The following DNAH11 variants were observed in gnomAD, a reference collection of about 807,000 sequenced individuals.
DNAH11 encodes the protein dynein axonemal heavy chain 11.
Under a neutral mutation model 526.0 loss-of-function variants are expected in DNAH11, and 442 were observed. The observed-to-expected ratio is 0.84, with a 90% CI of 0.78 to 0.91. The LOEUF is 0.91. Ranked by LOEUF, DNAH11 falls within the 40% of genes least tolerant of loss-of-function variation. The pLI is 0.00. For synonymous variants in DNAH11, 2,461 were observed against 1,935.9 expected, an observed-to-expected ratio of 1.27 and a Z score of -7.12; for missense variants, 6,989 against 5,448.7, an observed-to-expected ratio of 1.28 and a Z score of -8.90.
Position 21,698,069 on chromosome 7 carries a change from T to C in DNAH11, c.6042-6T>C. 1 of 1,605,972 alleles carries C rather than the reference T, an allele frequency of 6.2e-7. No homozygotes were observed. The highest frequency in any genetic ancestry group is 8.5e-7 in the Non-Finnish European group (1 of 1,177,130). On this transcript the variant is annotated splice_region_variant and splice_polypyrimidine_tract_variant and intron_variant, in intron 35 of 81. Coordinates refer to ENST00000409508, the MANE Select transcript of DNAH11 (RefSeq NM_001277115.2). ...TTTAAAACTAAAATTCTTATTTACTTTTTAGACCCTGTGCCATGGTGGCCC... is the reference window on the plus strand; with the variant it reads ...TTTAAAACTAAAATTCTTATTTACTCTTTAGACCCTGTGCCATGGTGGCCC...
intron 45 of DNAH11, among the ~76,000 whole-genome samples, chr7:21,727,817 A>G (rs538841115): frequency 3.5e-4 from 54 of 152,166 alleles, no homozygotes; most frequent in Non-Finnish European, 6.3e-4. Flanking sequence ...AACAATAAAA[A>G]CGTGTTTTTC....
At chr7:21,794,340 T>G (rs1455895575) in intron 61 of DNAH11, among the ~76,000 whole-genome samples, 2 of 152,178 alleles carry the variant, frequency 1.3e-5, no homozygotes, top group Non-Finnish European at 1.5e-5. Context: ...CATTGAAGGA[T>G]TAGTTATTTA....
rs74430471 is a variant in DNAH11, at chr7:21,564,454, C to T, written c.1194+57C>T. ...AATTGTTGCTGTGAGGTAGGTTTTA[C>T]GAGACTAGTGAAGAATAATCTAGTA... is the stretch of plus-strand genomic sequence containing the variant. On this transcript the variant is annotated intron_variant, in intron 6 of 81. Coordinates refer to ENST00000409508, the MANE Select transcript of DNAH11 (RefSeq NM_001277115.2). 7,406 of 1,309,154 alleles carry T rather than the reference C, an allele frequency of 5.7e-3. 24 individuals are homozygous for T. The highest frequency in any genetic ancestry group is 6.6e-3 in the Non-Finnish European group (6,134 of 924,124). 81.1% of individuals were successfully genotyped at this position (1,309,154 alleles called of 1,614,324 possible).
intron 65 of DNAH11, among the ~76,000 whole-genome samples, chr7:21,834,620 G>A (rs1462339398): frequency 6.6e-6 from 1 of 152,136 alleles, no homozygotes; most frequent in East Asian, 1.9e-4. Flanking sequence ...GTCGCTTGAG[G>A]ACAGGAGTTT....
At chr7:21,777,181 A>G (rs951269601) in intron 56 of DNAH11, among the ~76,000 whole-genome samples, 1 of 152,176 alleles carries the variant, frequency 6.6e-6, no homozygotes, top group Admixed American at 6.5e-5. Flanking sequence ...CTATACAAAT[A>G]TGTAACCATT....
At chr7:21,577,249 G>C (rs6461583) in intron 8 of DNAH11, among the ~76,000 whole-genome samples, 64,508 of 152,054 alleles carry the variant, frequency 0.42, 14,211 homozygotes, top group East Asian at 0.76. Flanking sequence ...GCCATCAACT[G>C]TCCACTCTAG....
At chr7:21,824,422 T>C (rs1790187084) in intron 65 of DNAH11, among the ~76,000 whole-genome samples, 2 of 152,254 alleles carry the variant, frequency 1.3e-5, no homozygotes, top group South Asian at 4.1e-4. Context: ...TATTATTTAC[T>C]TAATATTTTT....
intron 45 of DNAH11, among the ~76,000 whole-genome samples, chr7:21,732,495 CG>C (rs1379035520): frequency 6.6e-6 from 1 of 152,148 alleles, no homozygotes; most frequent in Admixed American, 6.5e-5. Flanking sequence ...AATATTACTC[CG>C]GTATGACTTC....
Position 21,663,523 on chromosome 7 carries a change from G to A in DNAH11, c.5328+4492G>A, listed in dbSNP as rs144271816. On this transcript the variant is annotated intron_variant, in intron 30 of 81. Coordinates refer to ENST00000409508, the MANE Select transcript of DNAH11 (RefSeq NM_001277115.2). ...GGTCTTTTTAATAGCCATTCTGACTGCTATAGTATCTCACTGTGGTTTTAA... is the reference window on the plus strand; with the variant it reads ...GGTCTTTTTAATAGCCATTCTGACTACTATAGTATCTCACTGTGGTTTTAA... 2.9e-3 allele frequency among the ~76,000 whole-genome samples: 442 copies of A among 152,192 alleles called. 3 individuals carry two copies. Among genetic ancestry groups the A allele is most frequent in the African/African-American group, 0.01 (425 of 41,534 alleles).
chr7:21,722,578 A>G (rs1352718368), intron 44 of DNAH11, among the ~76,000 whole-genome samples: 2 of 152,096 alleles, frequency 1.3e-5, no homozygotes, highest in Non-Finnish European at 2.9e-5. Flanking sequence ...TATTATTATA[A>G]TAATATAGTT....
intron 30 of DNAH11, among the ~76,000 whole-genome samples, chr7:21,669,932 A>G (rs1338164760): frequency 6.6e-6 from 1 of 152,146 alleles, no homozygotes; most frequent in African/African-American, 2.4e-5. Context: ...TAATTACCAT[A>G]GCTTTGTAGT....
At chr7:21,814,273 C>T (rs1325546592) in intron 63 of DNAH11, among the ~76,000 whole-genome samples, 1 of 152,112 alleles carries the variant, frequency 6.6e-6, no homozygotes, top group East Asian at 1.9e-4. Context: ...AGGCCTAGGA[C>T]ATTACTGTAT....
At chr7:21,720,672 A>G (rs1488035716) in intron 43 of DNAH11, 53 bp from the exon 44 acceptor site, 2 of 1,500,030 alleles carry the variant, frequency 1.3e-6, no homozygotes, top group East Asian at 2.5e-5. Context: ...TATTCTTTGA[A>G]CTTCACTATT....
rs1198219126 is a variant in DNAH11 at position 21,850,198 on chromosome 7, TACAAAAAA to T, written c.10897-2268_10897-2261del. ...GGTGAAACCCCATCTCTACTAAAAA[TACAAAAAA>T]TTAGCCAGGTGTGGTGGTGGGAGCC... On this transcript the variant is annotated intron_variant, in intron 66 of 81. Coordinates refer to ENST00000409508, the MANE Select transcript of DNAH11 (RefSeq NM_001277115.2). 5.5e-5 allele frequency among the ~76,000 whole-genome samples: 7 copies of T among 126,558 alleles called. No homozygotes were observed. The East Asian group carries it at 1.9e-3, about 35-fold the overall frequency. The allele number at this position is 126,558 out of a possible 152,430, so 83.0% of individuals were successfully genotyped here.
In DNAH11 at chr7:21,626,534, A is replaced by G. The variant is rs531495357; in HGVS notation, c.4500+6456A>G. Among the ~76,000 whole-genome samples, 23 of 152,294 alleles carry G rather than the reference A, an allele frequency of 1.5e-4. No homozygotes were observed. In the South Asian group the frequency reaches 1.7e-3, roughly 11 times the overall value. On this transcript the variant is annotated intron_variant, in intron 25 of 81. Coordinates refer to ENST00000409508, the MANE Select transcript of DNAH11 (RefSeq NM_001277115.2). Reference sequence around the variant, plus strand: ...TTGAAAACTCTCCGTACTGTTCTCCATAGTGACTATACTAATTTACATTTC... The same window carrying G: ...TTGAAAACTCTCCGTACTGTTCTCCGTAGTGACTATACTAATTTACATTTC...
At chr7:21,900,237 T>A (rs1018408734) in intron 81 of DNAH11, 117 bp downstream of exon 81, 1 of 1,101,406 alleles carries the variant, frequency 9.1e-7, no homozygotes. Flanking sequence ...CTTATGCTAG[T>A]CATTATCTCA....
chr7:21,736,469 A>C (rs529698463), intron 46 of DNAH11, among the ~76,000 whole-genome samples: 20 of 152,302 alleles, frequency 1.3e-4, no homozygotes, highest in Admixed American at 6.5e-5. Context: ...TTGGGGGGCA[A>C]CCAGACTCTC....
chr7:21,882,131 G>A (rs1448169403), intron 75 of DNAH11, among the ~76,000 whole-genome samples: 1 of 152,132 alleles, frequency 6.6e-6, no homozygotes, highest in Non-Finnish European at 1.5e-5. Flanking sequence ...GCTGCAACCG[G>A]GAATAGAATC....
At chr7:21,698,043 T>A in intron 35 of DNAH11, 32 bp from the exon 36 acceptor site, 1 of 1,583,274 alleles carries the variant, frequency 6.3e-7, no homozygotes, top group Non-Finnish European at 8.6e-7. Context: ...CCTTGTCACA[T>A]TTTAAAACTA....
Sources: gnomAD v4.1 joint callset for allele counts (sites outside exome capture counted in the v4.1 genomes callset) on GRCh38, gnomAD v4.1.1 for gene constraint, MANE v1.5 for transcripts, NCBI Gene and HGNC (gene_info 2026-07-23, HGNC 2026-07-21) for gene names.